The following PLB1 variants were observed in gnomAD, a reference collection of about 807,000 sequenced individuals.
The protein encoded by PLB1 is phospholipase B1, also known as phospholipase B1, membrane-associated.
In PLB1, 242 loss-of-function variants were observed where a neutral mutation model predicts 227.4. The observed-to-expected ratio is 1.06, with a 90% confidence interval of 0.96 to 1.18. The LOEUF (loss-of-function observed/expected upper bound fraction) is 1.18, where lower values mean the gene tolerates loss of function less well. PLB1 is among the 50% of genes most tolerant of loss of function. The pLI, the probability that PLB1 is intolerant of heterozygous loss-of-function variation, is 0.00. For synonymous variants in PLB1, 757 were observed against 682.2 expected, an observed-to-expected ratio of 1.11 and a Z score of -1.71; for missense variants, 1,858 against 1,816.3, an observed-to-expected ratio of 1.02 and a Z score of -0.42.
intron 25 of PLB1, among the ~76,000 whole-genome samples, chr2:28,584,701 C>CGGGT (rs1207861264): frequency 6.6e-6 from 1 of 152,228 alleles, no homozygotes; most frequent in African/African-American, 2.4e-5. Flanking sequence ...ACTGTTTCAT[C>CGGGT]GGGTGGCTGT....
rs947120222 is a variant in PLB1, at chr2:28,591,265, G to T, written c.2127+94G>T. The T allele has an allele frequency of 2.6e-6, 4 of 1,521,242 alleles. No individual in the cohort carries two copies. In the African/African-American group the frequency reaches 5.5e-5, roughly 21 times the overall value. The allele number at this position is 1,521,242 out of a possible 1,614,324, so 94.2% of individuals were successfully genotyped here. On this transcript the variant is annotated intron_variant, in intron 30 of 57. Transcript: ENST00000327757. ...CCAACAGGACAGGGTGGGAAAGCGG[G>T]CAAGAGTTCTAGATGGGCATAAAGG... is the stretch of plus-strand genomic sequence containing the variant.
At chr2:28,574,010 C>T (rs1282568177) in intron 21 of PLB1, among the ~76,000 whole-genome samples, 1 of 152,164 alleles carries the variant, frequency 6.6e-6, no homozygotes. Flanking sequence ...ACGGCCAGGC[C>T]GGTCCCCAAG....
At chr2:28,571,397 A>G (rs575542499) in intron 20 of PLB1, among the ~76,000 whole-genome samples, 72 of 152,330 alleles carry the variant, frequency 4.7e-4, no homozygotes, top group Middle Eastern at 6.8e-3. Flanking sequence ...TACGGATTCA[A>G]TGTGATCCCT....
At chr2:28,592,637 A>G in intron 31 of PLB1, 24 bp from the exon 32 acceptor site, 1 of 1,613,322 alleles carries the variant, frequency 6.2e-7, no homozygotes, top group South Asian at 1.1e-5. Context: ...CTGCAGCCCT[A>G]AGTGTGTCCA....
At chr2:28,508,018 G>T (rs144986949) in intron 1 of PLB1, among the ~76,000 whole-genome samples, 2 of 152,194 alleles carry the variant, frequency 1.3e-5, no homozygotes, top group Admixed American at 6.5e-5. Context: ...GTGACTAATG[G>T]TAATAAGGAC....
chr2:28,496,223 C>A, intron 1 of PLB1, 54 bp downstream of exon 1: 1 of 1,556,976 alleles, frequency 6.4e-7, no homozygotes, highest in Non-Finnish European at 8.8e-7. Flanking sequence ...CGCTGGTGTC[C>A]CATGTTGCTT....
At chr2:28,517,093 T>G (rs1475375156) in intron 2 of PLB1, among the ~76,000 whole-genome samples, 1 of 152,178 alleles carries the variant, frequency 6.6e-6, no homozygotes, top group Non-Finnish European at 1.5e-5. Context: ...AATGGGCGGT[T>G]CCCAGAAGTG....
intron 44 of PLB1, 82 bp downstream of exon 44, chr2:28,614,178 A>T: frequency 1.6e-6 from 2 of 1,289,760 alleles, no homozygotes; most frequent in Non-Finnish European, 1.1e-6. Flanking sequence ...CAGGTTTCAG[A>T]GTATTCACTG....
At chr2:28,525,632 C>T (rs1158480617) in intron 5 of PLB1, among the ~76,000 whole-genome samples, 3 of 152,176 alleles carry the variant, frequency 2.0e-5, no homozygotes, top group Non-Finnish European at 4.4e-5. Context: ...CAGGCTCAGT[C>T]TCATTCTACC....
At chr2:28,565,178 G>A in intron 18 of PLB1, 102 bp from the exon 19 acceptor site, 2 of 956,806 alleles carry the variant, frequency 2.1e-6, no homozygotes, top group Non-Finnish European at 1.6e-6. Flanking sequence ...AGAGTGCCCA[G>A]GTGGTCCTGG....
intron 45 of PLB1, among the ~76,000 whole-genome samples, 159 bp from the exon 46 acceptor site, chr2:28,618,182 G>A (rs1881255): frequency 0.51 from 76,954 of 152,112 alleles, 20,763 homozygotes; most frequent in East Asian, 0.88. Context: ...GCCTTGGTTG[G>A]TCTGAATGAA....
At chr2:28,574,234 T>G (rs1002879506) in intron 21 of PLB1, among the ~76,000 whole-genome samples, 10 of 152,320 alleles carry the variant, frequency 6.6e-5, no homozygotes, top group Non-Finnish European at 1.2e-4. Context: ...CAGGTAGTTT[T>G]TGGTTACATG....
At chr2:28,554,266 G>A (rs537459707) in intron 17 of PLB1, among the ~76,000 whole-genome samples, 43 of 151,848 alleles carry the variant, frequency 2.8e-4, no homozygotes, top group Admixed American at 1.3e-3. Context: ...TATAGATACA[G>A]ATAGATAGAT....
At chr2:28,606,618 C>T (rs779459973) in intron 43 of PLB1, 51 bp downstream of exon 43, 121 of 1,531,192 alleles carry the variant, frequency 7.9e-5, no homozygotes, top group Non-Finnish European at 5.2e-5. Flanking sequence ...GGGCACACAG[C>T]TCGCCCTACC....
At chr2:28,597,243 G>A (rs564813350) in intron 33 of PLB1, among the ~76,000 whole-genome samples, 12 of 136,892 alleles carry the variant, frequency 8.8e-5, no homozygotes, top group South Asian at 2.2e-4. Context: ...CAGCCTGGGC[G>A]ACAGAGCAAG....
intron 1 of PLB1, among the ~76,000 whole-genome samples, chr2:28,511,048 A>C (rs1335223621): frequency 6.6e-6 from 1 of 152,156 alleles, no homozygotes; most frequent in Non-Finnish European, 1.5e-5. Flanking sequence ...TGGTGTTTAA[A>C]GTGATAACAT....
At chr2:28,536,924 C>T (rs868232030) in intron 9 of PLB1, among the ~76,000 whole-genome samples, 5 of 152,174 alleles carry the variant, frequency 3.3e-5, no homozygotes, top group Admixed American at 1.3e-4. Context: ...GATTCACACT[C>T]TAGAGAGAGC....
chr2:28,612,866 C>T lies in PLB1; in HGVS notation c.3130-1165C>T, dbSNP rs373549979. 5.9e-5 allele frequency among the ~76,000 whole-genome samples: 9 copies of T among 151,340 alleles called. No individual in the cohort carries two copies. The East Asian group carries it at 1.5e-3, about 26-fold the overall frequency. ...TCTTGGCCTCATGTGATGAACCCCC[C>T]CTTGGCCTCCCAAAGTGCTGGGGTT... On this transcript the variant is annotated intron_variant, in intron 43 of 57. Coordinates refer to ENST00000327757, the MANE Select transcript of PLB1 (RefSeq NM_153021.5).
chr2:28,558,945 G>A (rs1046905789), intron 17 of PLB1, among the ~76,000 whole-genome samples: 4 of 151,920 alleles, frequency 2.6e-5, no homozygotes, highest in African/African-American at 7.3e-5. Context: ...GGCTGGTCTC[G>A]AACTTCTGGG....
Sources: gnomAD v4.1 joint callset for allele counts (sites outside exome capture counted in the v4.1 genomes callset) on GRCh38, gnomAD v4.1.1 for gene constraint, MANE v1.5 for transcripts, NCBI Gene and HGNC (gene_info 2026-07-23, HGNC 2026-07-21) for gene names.